The following DPP6 variants were observed in gnomAD, a reference collection of about 807,000 sequenced individuals.
The protein encoded by DPP6 is dipeptidyl peptidase like 6, also known as A-type potassium channel modulatory protein DPP6.
In DPP6, 69 loss-of-function variants were observed where a neutral mutation model predicts 122.6. The observed-to-expected ratio is 0.56, with a 90% CI of 0.46 to 0.69. The LOEUF (loss-of-function observed/expected upper bound fraction) is 0.69. Among genes scored for constraint, DPP6 ranks in the 30% least tolerant of loss-of-function variants. The pLI, the probability that DPP6 is intolerant of heterozygous loss-of-function variation, is 0.00. For missense variants in DPP6, 928 were observed against 1,116.9 expected, an observed-to-expected ratio of 0.83 and a Z score of 2.41; for synonymous variants, 418 against 433.1, an observed-to-expected ratio of 0.97 and a Z score of 0.43.
At chr7:154,062,999 C>G (rs960041536) in intron 1 of DPP6, among the ~76,000 whole-genome samples, 3 of 135,810 alleles carry the variant, frequency 2.2e-5, no homozygotes, top group African/African-American at 7.9e-5. Flanking sequence ...AGAGCCAGTC[C>G]CTCTTCCCCC....
At chr7:154,841,703 C>T (rs1014643733) in intron 16 of DPP6, among the ~76,000 whole-genome samples, 1 of 151,694 alleles carries the variant, frequency 6.6e-6, no homozygotes, top group African/African-American at 2.4e-5. Context: ...AAAAAGTCAA[C>T]GTGCCATTGC....
At chr7:153,945,249 T>G (rs1801896480) in intron 1 of DPP6, among the ~76,000 whole-genome samples, 1 of 152,196 alleles carries the variant, frequency 6.6e-6, no homozygotes. Flanking sequence ...TTCTTCTCTT[T>G]TTGTATTTTT....
At chr7:154,110,313 G>A (rs1326774830) in intron 1 of DPP6, among the ~76,000 whole-genome samples, 7 of 152,052 alleles carry the variant, frequency 4.6e-5, no homozygotes, top group Admixed American at 3.3e-4. Context: ...TCTTGTACTA[G>A]GTAGGAAACA....
intron 10 of DPP6, among the ~76,000 whole-genome samples, chr7:154,774,316 C>A (rs1796436282): frequency 6.6e-6 from 1 of 152,146 alleles, no homozygotes; most frequent in Non-Finnish European, 1.5e-5. Context: ...TGGCTTTTCT[C>A]CTAAAGTTCC....
At position 154,585,680 on chromosome 7, in the gene DPP6, T is replaced by G. The variant is rs955451764; in HGVS notation, c.627+18764T>G. On this transcript the variant is annotated intron_variant, in intron 5 of 25. Transcript: ENST00000377770. ...CTTGTAGAATCAAATACAATGTAAATGCTATGTAAAAAGTTGTTCTACTGT... is the reference window on the plus strand; with the variant it reads ...CTTGTAGAATCAAATACAATGTAAAGGCTATGTAAAAAGTTGTTCTACTGT... Among the ~76,000 whole-genome samples the G allele has an allele frequency of 4.5e-4, 68 of 152,198 alleles. 3 individuals carry two copies.
rs544720309 is a variant in DPP6, at chr7:154,060,526, G to T, written c.243+7463G>T. Among the ~76,000 whole-genome samples the T allele has an allele frequency of 2.9e-4, 39 of 134,288 alleles. 2 individuals are homozygous for T. Among genetic ancestry groups the T allele is most frequent in the South Asian group, 1.7e-3 (7 of 4,112 alleles). 88.1% of individuals were successfully genotyped at this position (134,288 alleles called of 152,430 possible). On this transcript the variant is annotated intron_variant, in intron 1 of 25. Transcript: ENST00000377770. Reference sequence around the variant, plus strand: ...AGGACCCACCTGGAGGACTGCGGGTGTTAGGTGTCCAAGTAGAAAGTTCAA... The same window carrying T: ...AGGACCCACCTGGAGGACTGCGGGTTTTAGGTGTCCAAGTAGAAAGTTCAA...
chr7:154,867,211 G>A (rs1803949542), intron 17 of DPP6, among the ~76,000 whole-genome samples: 1 of 152,202 alleles, frequency 6.6e-6, no homozygotes, highest in Non-Finnish European at 1.5e-5. Context: ...AGGAAGTTGG[G>A]TGGTTTTTAT....
intron 1 of DPP6, among the ~76,000 whole-genome samples, chr7:154,302,455 A>C (rs1285512850): frequency 6.6e-6 from 1 of 152,220 alleles, no homozygotes; most frequent in Non-Finnish European, 1.5e-5. Flanking sequence ...AAAGGTACTG[A>C]GTGGCACAAC....
At chr7:153,912,484 A>G (rs1392504439) in intron 1 of DPP6, among the ~76,000 whole-genome samples, 1 of 152,198 alleles carries the variant, frequency 6.6e-6, no homozygotes, top group Non-Finnish European at 1.5e-5. Flanking sequence ...ATTACATTTC[A>G]GCTGCCAAAA....
chr7:154,097,673 G>A (rs1293411584), intron 1 of DPP6, among the ~76,000 whole-genome samples: 1 of 152,250 alleles, frequency 6.6e-6, no homozygotes, highest in East Asian at 1.9e-4. Context: ...TGGGTAGCAG[G>A]GATCTGGGAG....
At chr7:154,807,224 T>C (rs1352072218) in intron 16 of DPP6, 112 bp downstream of exon 16, 37 of 1,443,446 alleles carry the variant, frequency 2.6e-5, no homozygotes, top group Non-Finnish European at 8.3e-6. Context: ...GCACAGCGTA[T>C]TCCAGAACAG....
intron 10 of DPP6, among the ~76,000 whole-genome samples, chr7:154,778,322 A>C (rs1482947991): frequency 6.6e-6 from 1 of 152,050 alleles, no homozygotes; most frequent in Non-Finnish European, 1.5e-5. Flanking sequence ...GTGATGCCAG[A>C]TGCCCCCAGC....
At chr7:154,244,211 G>A (rs1210375646) in intron 1 of DPP6, among the ~76,000 whole-genome samples, 1 of 152,000 alleles carries the variant, frequency 6.6e-6, no homozygotes, top group Non-Finnish European at 1.5e-5. Flanking sequence ...TGGATTTCTT[G>A]TAAGAAGATG....
chr7:154,332,847 G>A (rs745593599), intron 1 of DPP6, among the ~76,000 whole-genome samples: 12 of 152,098 alleles, frequency 7.9e-5, no homozygotes, highest in Admixed American at 1.3e-4. Context: ...CCCACTCACC[G>A]TGCCCGCCCA....
At chr7:154,004,618 CGTT>C (rs1448207503) in intron 1 of DPP6, among the ~76,000 whole-genome samples, 1 of 150,980 alleles carries the variant, frequency 6.6e-6, no homozygotes, top group Non-Finnish European at 1.5e-5. Context: ...AATGATAAAT[CGTT>C]GTTCTTTTAA....
intron 1 of DPP6, among the ~76,000 whole-genome samples, chr7:154,040,743 C>T (rs12539961): frequency 6.6e-6 from 1 of 152,120 alleles, no homozygotes; most frequent in Non-Finnish European, 1.5e-5. Context: ...ATATATGTTC[C>T]TAGGGGCTGG....
chr7:154,852,882 C>A (rs4960558), intron 16 of DPP6, among the ~76,000 whole-genome samples: 1 of 21,988 alleles, frequency 4.5e-5, no homozygotes, highest in Non-Finnish European at 8.1e-5. Flanking sequence ...TTTGAGTAGA[C>A]ATTTAAATGA....
chr7:153,788,980 A>G, the DPP6 span, among the ~76,000 whole-genome samples: 1 of 151,796 alleles, frequency 6.6e-6, no homozygotes, highest in Non-Finnish European at 1.5e-5. Context: ...AAAAAAAAAA[A>G]AGTATTCCTG....
chr7:154,374,960 A>G (rs1342405060), intron 1 of DPP6, among the ~76,000 whole-genome samples: 2 of 152,114 alleles, frequency 1.3e-5, no homozygotes, highest in African/African-American at 4.8e-5. Context: ...CTAAGTACTC[A>G]TTATGTGACA....
Sources: allele counts gnomAD v4.1 joint callset (sites outside exome capture counted in the v4.1 genomes callset), GRCh38; gene constraint gnomAD v4.1.1; transcripts MANE v1.5; gene names NCBI Gene and HGNC (gene_info 2026-07-23, HGNC 2026-07-21).